RFX3: variants seen among roughly 807,000 people sequenced by gnomAD.
RFX3 encodes the protein regulatory factor X3, also known as transcription factor RFX3.
RFX3 carries 14 observed loss-of-function variants against 98.6 expected under a neutral mutation model. That is an observed-to-expected ratio of 0.14 (90% CI 0.09 to 0.22). The LOEUF (loss-of-function observed/expected upper bound fraction) is 0.22, where lower values mean the gene tolerates loss of function less well. Ranked by LOEUF, RFX3 falls within the 10% of genes least tolerant of loss-of-function variation. The pLI is 1.00. For synonymous variants in RFX3, 383 were observed against 328.4 expected (o/e 1.17, Z -1.80); for missense variants, 639 against 926.9 (o/e 0.69, Z 4.03).
At chr9:3,392,159 T>C (rs1714012297) in intron 2 of RFX3, among the ~76,000 whole-genome samples, 1 of 152,166 alleles carries the variant, frequency 6.6e-6, no homozygotes, top group Non-Finnish European at 1.5e-5. Flanking sequence ...GACTCACTCA[T>C]GCATTCAAAT....
chr9:3,284,786 T>G (rs1349305198), intron 7 of RFX3, among the ~76,000 whole-genome samples: 1 of 151,786 alleles, frequency 6.6e-6, no homozygotes, highest in East Asian at 1.9e-4. Flanking sequence ...TCCTTTATTT[T>G]AGGTAAAATG....
chr9:3,374,824 G>C (rs1377782960), intron 2 of RFX3, among the ~76,000 whole-genome samples: 1 of 150,212 alleles, frequency 6.7e-6, no homozygotes, highest in African/African-American at 2.5e-5. Context: ...AAATGGTTAA[G>C]ATGGTAAATT....
At chr9:3,439,522 T>A (rs1395316380) in intron 1 of RFX3, among the ~76,000 whole-genome samples, 4 of 152,014 alleles carry the variant, frequency 2.6e-5, no homozygotes, top group African/African-American at 9.7e-5. Context: ...TTAACAACTT[T>A]ATGCCAATAA....
At chr9:3,372,454 G>A (rs1030397444) in intron 2 of RFX3, among the ~76,000 whole-genome samples, 1 of 151,878 alleles carries the variant, frequency 6.6e-6, no homozygotes, top group South Asian at 2.1e-4. Flanking sequence ...TTAAATCTTT[G>A]TACCAGAGTC....
intron 4 of RFX3, among the ~76,000 whole-genome samples, chr9:3,314,483 G>T (rs1188785112): frequency 6.6e-6 from 1 of 152,126 alleles, no homozygotes; most frequent in Admixed American, 6.6e-5. Context: ...AAAATAACCA[G>T]CTAACATCAT....
intron 1 of RFX3, among the ~76,000 whole-genome samples, chr9:3,427,353 CTA>C (rs1844171733): frequency 7.5e-6 from 1 of 133,532 alleles, no homozygotes; most frequent in Non-Finnish European, 1.6e-5. Flanking sequence ...TTACATAATA[CTA>C]TATATAAATA....
chr9:3,449,886 GAA>G (rs78122917), intron 1 of RFX3, among the ~76,000 whole-genome samples: 1 of 100,234 alleles, frequency 1.0e-5, no homozygotes, highest in African/African-American at 3.4e-5. Context: ...AAAAAGAAAA[GAA>G]AAAAAAAAAA....
chr9:3,322,603 G>A (rs1831443009), intron 4 of RFX3, among the ~76,000 whole-genome samples: 1 of 151,944 alleles, frequency 6.6e-6, no homozygotes, highest in South Asian at 2.1e-4. Flanking sequence ...TTTGGTGGCA[G>A]GTACCTGTAA....
At chr9:3,242,009 T>C (rs573486003) in intron 15 of RFX3, among the ~76,000 whole-genome samples, 1 of 152,274 alleles carries the variant, frequency 6.6e-6, no homozygotes, top group South Asian at 2.1e-4. Flanking sequence ...TGTTTGTGTG[T>C]TTGGGGGAGT....
At chr9:3,465,025 T>A (rs547494408) in intron 1 of RFX3, among the ~76,000 whole-genome samples, 1 of 152,208 alleles carries the variant, frequency 6.6e-6, no homozygotes, top group African/African-American at 2.4e-5. Flanking sequence ...TATTGATATA[T>A]AAGGACCTGT....
At chr9:3,355,702 G>T (rs183999789) in intron 2 of RFX3, among the ~76,000 whole-genome samples, 6 of 151,780 alleles carry the variant, frequency 4.0e-5, no homozygotes, top group African/African-American at 1.5e-4. Flanking sequence ...TGACTTTCAC[G>T]TCATAATCTA....
intron 1 of RFX3, among the ~76,000 whole-genome samples, chr9:3,420,202 G>C (rs1362559328): frequency 1.3e-5 from 2 of 152,158 alleles, no homozygotes; most frequent in Non-Finnish European, 2.9e-5. Flanking sequence ...AAGCACACCA[G>C]TCAGCAGCTT....
chr9:3,419,670 G>A (rs1281024707), intron 1 of RFX3, among the ~76,000 whole-genome samples: 1 of 152,128 alleles, frequency 6.6e-6, no homozygotes, highest in Non-Finnish European at 1.5e-5. Flanking sequence ...ATTGCTTCCA[G>A]GATCCCCTGA....
At chr9:3,339,136 A>C (rs967753701) in intron 3 of RFX3, among the ~76,000 whole-genome samples, 1 of 152,102 alleles carries the variant, frequency 6.6e-6, no homozygotes, top group Admixed American at 6.6e-5. Flanking sequence ...TTTAAAAAAA[A>C]AACCCCAAAG....
At chr9:3,523,987 T>G (rs1818972891) in intron 1 of RFX3, among the ~76,000 whole-genome samples, 1 of 152,212 alleles carries the variant, frequency 6.6e-6, no homozygotes, top group Non-Finnish European at 1.5e-5. Flanking sequence ...GCATTATAAT[T>G]ACCCACCCTG....
At chr9:3,475,869 C>T (rs1357119602) in intron 1 of RFX3, among the ~76,000 whole-genome samples, 2 of 152,130 alleles carry the variant, frequency 1.3e-5, no homozygotes. Flanking sequence ...GACTCCCCTT[C>T]CCAGTCTGCT....
chr9:3,392,261 T>C (rs1316259418), intron 2 of RFX3, among the ~76,000 whole-genome samples: 1 of 151,160 alleles, frequency 6.6e-6, no homozygotes, highest in Non-Finnish European at 1.5e-5. Context: ...GACAGAGACA[T>C]AGTAAAAAAC....
Position 3,289,823 on chromosome 9 carries a change from A to C in RFX3, c.732-1573T>G, listed in dbSNP as rs145385822. Among the ~76,000 whole-genome samples the C allele has an allele frequency of 2.0e-5, 3 of 152,056 alleles. No individual in the cohort carries two copies. The East Asian group carries it at 5.8e-4, about 29-fold the overall frequency. On this transcript the variant is annotated intron_variant, in intron 6 of 16. Coordinates refer to ENST00000617270, the MANE Select transcript of RFX3 (RefSeq NM_001282116.2). ...TTTGTTTAAAACAGTGATTTGATTT[A>C]CTTTTTGTTTACTTAGGTCCAAAAA...
chr9:3,300,388 A>T (rs186617324), intron 5 of RFX3, among the ~76,000 whole-genome samples: 1 of 151,918 alleles, frequency 6.6e-6, no homozygotes, highest in African/African-American at 2.4e-5. Context: ...CCTTTGAAAA[A>T]AGAAACAAGA....
Sources: gnomAD v4.1 joint callset for allele counts (sites outside exome capture counted in the v4.1 genomes callset) on GRCh38, gnomAD v4.1.1 for gene constraint, MANE v1.5 for transcripts, NCBI Gene and HGNC (gene_info 2026-07-23, HGNC 2026-07-21) for gene names.